Variants in SLIT1 observed in about 807,000 individuals in gnomAD.
SLIT1 encodes the protein slit guidance ligand 1, also known as slit homolog 1 protein.
SLIT1 carries 66 observed loss-of-function variants against 186.1 expected under a neutral mutation model. The observed-to-expected ratio is 0.35, with a 90% confidence interval of 0.29 to 0.44. The LOEUF is 0.44. Among genes scored for constraint, SLIT1 ranks in the 20% least tolerant of loss-of-function variants. The pLI is 1.00. For missense variants in SLIT1, 1,638 were observed against 2,037.4 expected, an observed-to-expected ratio of 0.80 and a Z score of 3.77; for synonymous variants, 761 against 833.8, an observed-to-expected ratio of 0.91 and a Z score of 1.50.
intron 32 of SLIT1, among the ~76,000 whole-genome samples, chr10:97,005,142 G>C (rs769358061): frequency 2.6e-5 from 4 of 152,212 alleles, no homozygotes; most frequent in African/African-American, 9.6e-5. Flanking sequence ...AGGAAAATTA[G>C]ACTGGGACCC....
chr10:97,100,346 G>T (rs965368702), intron 4 of SLIT1, among the ~76,000 whole-genome samples: 3 of 152,130 alleles, frequency 2.0e-5, no homozygotes, highest in African/African-American at 7.2e-5. Context: ...ATTTTTGGCC[G>T]GGTGCAGTGG....
At chr10:97,168,822 T>C (rs1229978778) in intron 1 of SLIT1, among the ~76,000 whole-genome samples, 1 of 152,180 alleles carries the variant, frequency 6.6e-6, no homozygotes, top group Admixed American at 6.5e-5. Context: ...AGCAATTGAC[T>C]ATGATAATTA....
intron 25 of SLIT1, among the ~76,000 whole-genome samples, chr10:97,030,050 G>A (rs751473845): frequency 1.3e-5 from 2 of 152,154 alleles, no homozygotes; most frequent in Non-Finnish European, 2.9e-5. Flanking sequence ...CCAGTTCGGG[G>A]TTATTATGTA....
intron 4 of SLIT1, among the ~76,000 whole-genome samples, chr10:97,078,519 A>G (rs1260905613): frequency 2.0e-5 from 3 of 152,192 alleles, no homozygotes; most frequent in Admixed American, 6.5e-5. Flanking sequence ...CCCAACAGAG[A>G]TATCAGGGGC....
chr10:97,138,550 G>A (rs1849726342), intron 4 of SLIT1, among the ~76,000 whole-genome samples: 1 of 152,218 alleles, frequency 6.6e-6, no homozygotes, highest in Non-Finnish European at 1.5e-5. Context: ...CAATACATGA[G>A]TTCCAGGCCT....
Position 97,024,276 on chromosome 10 carries a change from A to G in SLIT1, c.2583-2863T>C, listed in dbSNP as rs150097602. On this transcript the variant is annotated intron_variant, in intron 25 of 36. Transcript: ENST00000266058. ...AAAATAGCTCAGCTGATGATTCACA[A>G]TCTTATAAAGCAGGCTGAACAAGAC... Among the ~76,000 whole-genome samples the G allele has an allele frequency of 1.3e-4, 20 of 152,166 alleles. No individual in the cohort carries two copies. In the East Asian group the frequency reaches 3.7e-3, roughly 28 times the overall value.
At chr10:97,114,859 C>T (rs1388634430) in intron 4 of SLIT1, among the ~76,000 whole-genome samples, 5 of 152,200 alleles carry the variant, frequency 3.3e-5, no homozygotes, top group Admixed American at 6.5e-5. Context: ...CAGTTTTCTC[C>T]TCTATGACAA....
intron 1 of SLIT1, among the ~76,000 whole-genome samples, chr10:97,170,106 CACA>C (rs1300734929): frequency 2.0e-5 from 3 of 152,216 alleles, no homozygotes; most frequent in Admixed American, 1.3e-4. Context: ...GCTTTGCCTA[CACA>C]ACAATATCGG....
chr10:97,030,740 G>A lies in SLIT1; in HGVS notation c.2582+17C>T. ...TGAAATCCAAAGAGGCCCAGAGAAA[G>A]GGGCTAGGGTACTCACAGGTGAGAC... is the stretch of plus-strand genomic sequence containing the variant. On this transcript the variant is annotated intron_variant, in intron 25 of 36. Transcript: ENST00000266058. The A allele has an allele frequency of 6.2e-7, 1 of 1,605,486 alleles. No individual in the cohort carries two copies. Among genetic ancestry groups the A allele is most frequent in the South Asian group, 1.1e-5 (1 of 90,678 alleles).
chr10:97,106,403 T>TGAACGAAC (rs71306804), intron 4 of SLIT1, among the ~76,000 whole-genome samples: 16,527 of 151,304 alleles, frequency 0.11, 994 homozygotes, highest in Middle Eastern at 0.18. Context: ...AATGAATGAA[T>TGAACGAAC]GAACGAATGA....
chr10:97,166,700 G>T (rs1321341330), intron 1 of SLIT1, among the ~76,000 whole-genome samples: 1 of 152,138 alleles, frequency 6.6e-6, no homozygotes, highest in Admixed American at 6.5e-5. Flanking sequence ...GAGCGAGCTT[G>T]ATCTGGGTTG....
intron 4 of SLIT1, among the ~76,000 whole-genome samples, chr10:97,083,690 T>A (rs1849128298): frequency 6.6e-6 from 1 of 152,142 alleles, no homozygotes; most frequent in Admixed American, 6.5e-5. Context: ...GCGATGAACA[T>A]TGCCTGGGGA....
intron 4 of SLIT1, among the ~76,000 whole-genome samples, chr10:97,075,145 C>A (rs749316122): frequency 2.6e-5 from 4 of 152,186 alleles, no homozygotes; most frequent in Non-Finnish European, 5.9e-5. Context: ...CCCTGCAGCC[C>A]GAGTGGTTAC....
At chr10:97,119,440 G>A (rs538920283) in intron 4 of SLIT1, among the ~76,000 whole-genome samples, 1 of 152,306 alleles carries the variant, frequency 6.6e-6, no homozygotes, top group South Asian at 2.1e-4. Flanking sequence ...CAGACATCTG[G>A]GTTCCAGTTA....
intron 4 of SLIT1, among the ~76,000 whole-genome samples, chr10:97,076,847 G>C (rs925541786): frequency 1.3e-5 from 2 of 152,338 alleles, no homozygotes; most frequent in South Asian, 2.1e-4. Flanking sequence ...GCCAGGGCCA[G>C]GGTGCAAAGC....
intron 4 of SLIT1, among the ~76,000 whole-genome samples, chr10:97,136,335 AT>A (rs1216014847): frequency 1.3e-5 from 2 of 152,064 alleles, no homozygotes; most frequent in Non-Finnish European, 1.5e-5. Flanking sequence ...AAATAAAGTT[AT>A]TTTTTTAAGT....
intron 4 of SLIT1, among the ~76,000 whole-genome samples, chr10:97,093,053 T>C (rs945600036): frequency 6.6e-6 from 1 of 152,122 alleles, no homozygotes; most frequent in African/African-American, 2.4e-5. Context: ...TCTTAACCAC[T>C]GTACAAAAAA....
intron 4 of SLIT1, among the ~76,000 whole-genome samples, chr10:97,112,697 T>TTTTTG (rs1163149758): frequency 9.2e-5 from 14 of 152,258 alleles, no homozygotes; most frequent in Middle Eastern, 3.4e-3. Flanking sequence ...ATTAATTTGT[T>TTTTTG]TTTTGTTTTG....
chr10:97,183,252 C>G (rs1196400227), intron 1 of SLIT1, among the ~76,000 whole-genome samples: 1 of 152,172 alleles, frequency 6.6e-6, no homozygotes, highest in Non-Finnish European at 1.5e-5. Flanking sequence ...TTCTCTAGAC[C>G]ATGTGCCCCT....
Sources: allele counts gnomAD v4.1 joint callset (sites outside exome capture counted in the v4.1 genomes callset), GRCh38; gene constraint gnomAD v4.1.1; transcripts MANE v1.5; gene names NCBI Gene and HGNC (gene_info 2026-07-23, HGNC 2026-07-21).